DHX15: variants seen among roughly 807,000 people sequenced by gnomAD.
The protein encoded by DHX15 is ATP-dependent RNA helicase DHX15.
In DHX15, 11 loss-of-function variants were observed where a neutral mutation model predicts 94.4. That is an observed-to-expected ratio of 0.12 (90% CI 0.07 to 0.19). DHX15 has a LOEUF of 0.19. Among genes scored for constraint, DHX15 ranks in the 10% least tolerant of loss-of-function variants. DHX15 has a pLI of 1.00. For synonymous variants in DHX15, 338 were observed against 329.9 expected (o/e 1.02, Z -0.27); for missense variants, 304 against 988.5 (o/e 0.31, Z 9.29).
chr4:24,561,286 C>G (rs1489393692), intron 3 of DHX15, among the ~76,000 whole-genome samples: 1 of 152,136 alleles, frequency 6.6e-6, no homozygotes, highest in Non-Finnish European at 1.5e-5. Flanking sequence ...CCATCTTATA[C>G]CAGTCAGCAT....
intron 3 of DHX15, among the ~76,000 whole-genome samples, chr4:24,569,176 A>G (rs1011382427): frequency 2.8e-4 from 42 of 152,336 alleles, no homozygotes; most frequent in Middle Eastern, 3.4e-3. Context: ...ATATATAATT[A>G]TTTGGTATCT....
chr4:24,553,957 G>A (rs1257737423), intron 5 of DHX15, among the ~76,000 whole-genome samples: 1 of 152,108 alleles, frequency 6.6e-6, no homozygotes, highest in Non-Finnish European at 1.5e-5. Context: ...GATGGCTCAC[G>A]CCTGTAATCC....
intron 6 of DHX15, among the ~76,000 whole-genome samples, chr4:24,548,439 G>C (rs900964934): frequency 6.6e-6 from 1 of 152,140 alleles, no homozygotes; most frequent in Non-Finnish European, 1.5e-5. Context: ...CGCCACGCCC[G>C]GCCAGATCAG....
At chr4:24,558,525 A>C (rs11726379) in intron 3 of DHX15, among the ~76,000 whole-genome samples, 34,759 of 152,022 alleles carry the variant, frequency 0.23, 5,105 homozygotes, top group Non-Finnish European at 0.33. Flanking sequence ...TATAAATTAG[A>C]TTAATGGAAA....
intron 3 of DHX15, among the ~76,000 whole-genome samples, chr4:24,558,976 C>T (rs944496652): frequency 2.0e-5 from 3 of 152,014 alleles, no homozygotes; most frequent in South Asian, 4.1e-4. Context: ...AAAAGCTATT[C>T]GAAAGATATG....
intron 3 of DHX15, among the ~76,000 whole-genome samples, chr4:24,569,323 T>G (rs1359699778): frequency 6.6e-6 from 1 of 152,192 alleles, no homozygotes; most frequent in African/African-American, 2.4e-5. Context: ...CTGGGTGTAG[T>G]GGCTCACGCC....
At position 24,554,985 on chromosome 4, in the gene DHX15, T is replaced by C. The variant is rs894481387; in HGVS notation, c.862-42A>G. The C allele has an allele frequency of 8.0e-6, 12 of 1,493,812 alleles. No homozygotes were observed. The African/African-American group carries it at 1.7e-4, about 21-fold the overall frequency. 92.5% of individuals were successfully genotyped at this position (1,493,812 alleles called of 1,614,324 possible). On this transcript the variant is annotated intron_variant, in intron 4 of 13. Transcript: ENST00000336812. ...AATTATTTGAAGCTGTCTTCAAGGA[T>C]TCTTACATGGTCTTACAGTATAGCA...
intron 3 of DHX15, among the ~76,000 whole-genome samples, chr4:24,556,957 G>A (rs1355334524): frequency 3.3e-5 from 5 of 151,988 alleles, no homozygotes; most frequent in Non-Finnish European, 2.9e-5. Flanking sequence ...AAGCACAAAA[G>A]GAATTCAATA....
intron 11 of DHX15, among the ~76,000 whole-genome samples, chr4:24,535,677 A>G (rs1721180650): frequency 6.6e-6 from 1 of 152,088 alleles, no homozygotes; most frequent in East Asian, 1.9e-4. Context: ...TTTTCAACTC[A>G]TATCAGGGTT....
chr4:24,544,085 C>T (rs1721373873), intron 6 of DHX15, among the ~76,000 whole-genome samples: 1 of 152,022 alleles, frequency 6.6e-6, no homozygotes, highest in Non-Finnish European at 1.5e-5. Flanking sequence ...AAGACCTACT[C>T]ATGAGAGAAG....
At chr4:24,534,739 T>C (rs1721159482) in intron 11 of DHX15, among the ~76,000 whole-genome samples, 1 of 152,164 alleles carries the variant, frequency 6.6e-6, no homozygotes, top group South Asian at 2.1e-4. Flanking sequence ...TTAATTGACA[T>C]GACATTTTAG....
At chr4:24,577,331 G>T (rs1722291074) in intron 1 of DHX15, among the ~76,000 whole-genome samples, 2 of 152,136 alleles carry the variant, frequency 1.3e-5, no homozygotes, top group African/African-American at 4.8e-5. Context: ...TTACAGGACT[G>T]CAGAATTTGT....
At chr4:24,573,835 T>C (rs2109010303) in intron 2 of DHX15, among the ~76,000 whole-genome samples, 1 of 152,286 alleles carries the variant, frequency 6.6e-6, no homozygotes, top group South Asian at 2.1e-4. Flanking sequence ...CTTCAATTCC[T>C]TCCTCATGTG....
chr4:24,567,124 A>G (rs1296511191), intron 3 of DHX15, among the ~76,000 whole-genome samples: 3 of 152,238 alleles, frequency 2.0e-5, no homozygotes, highest in East Asian at 3.8e-4. Flanking sequence ...ACGAAAAAAT[A>G]AAAAGGAAGC....
intron 5 of DHX15, among the ~76,000 whole-genome samples, chr4:24,550,725 T>C (rs958223911): frequency 1.3e-5 from 2 of 152,160 alleles, no homozygotes; most frequent in Non-Finnish European, 2.9e-5. Flanking sequence ...TAAGCCTGTT[T>C]TACAGTTAAC....
intron 1 of DHX15, among the ~76,000 whole-genome samples, chr4:24,579,345 G>A (rs1049504984): frequency 6.6e-6 from 1 of 152,158 alleles, no homozygotes; most frequent in Admixed American, 6.5e-5. Context: ...GTGAGTAAAA[G>A]GGGAAAATCA....
chr4:24,541,815 T>G (rs1355259600), intron 8 of DHX15, 58 bp downstream of exon 8: 1 of 1,458,164 alleles, frequency 6.9e-7, no homozygotes, highest in African/African-American at 1.4e-5. Context: ...GTTCTTCTGG[T>G]AAGATAATTC....
rs58459661 is a variant in DHX15 at position 24,550,094 on chromosome 4, C to CAAAAAAAAAAAAAAAAAAAAAAAAAA, written c.1081-1098_1081-1073dup. Reference sequence around the variant, plus strand: ...GGGCAAAAAGAGGGAAACTCCGTCTCAAAAAAAAAAAAAAAAAAAAAAAAA... The same window carrying CAAAAAAAAAAAAAAAAAAAAAAAAAA: ...GGGCAAAAAGAGGGAAACTCCGTCTCAAAAAAAAAAAAAAAAAAAAAAAAAAAAAAAAAAAAAAAAAAAAAAAAAAA... On this transcript the variant is annotated intron_variant, in intron 5 of 13. Transcript: ENST00000336812. Among the ~76,000 whole-genome samples the CAAAAAAAAAAAAAAAAAAAAAAAAAA allele has an allele frequency of 1.1e-3, 53 of 49,740 alleles. 10 individuals are homozygous for CAAAAAAAAAAAAAAAAAAAAAAAAAA. Among genetic ancestry groups the CAAAAAAAAAAAAAAAAAAAAAAAAAA allele is most frequent in the Non-Finnish European group, 1.4e-3 (40 of 29,252 alleles). 32.6% of individuals were successfully genotyped at this position (49,740 alleles called of 152,430 possible). A position where few individuals can be genotyped will look rare whatever the true frequency, so the allele number is the denominator to read the frequency against.
chr4:24,542,419 T>G (rs1372328758), intron 7 of DHX15, among the ~76,000 whole-genome samples: 1 of 152,150 alleles, frequency 6.6e-6, no homozygotes, highest in Non-Finnish European at 1.5e-5. Flanking sequence ...ATGAAAAAAT[T>G]TCCATCAATA....
Sources: gnomAD v4.1 joint callset for allele counts (sites outside exome capture counted in the v4.1 genomes callset) on GRCh38, gnomAD v4.1.1 for gene constraint, MANE v1.5 for transcripts, NCBI Gene and HGNC (gene_info 2026-07-23, HGNC 2026-07-21) for gene names.